Variants in PEAK1 observed in about 807,000 individuals in gnomAD.
PEAK1 encodes inactive tyrosine-protein kinase PEAK1.
A neutral mutation model predicts 124.7 loss-of-function variants in PEAK1; 54 were observed. The observed-to-expected ratio is 0.43, with a 90% CI of 0.35 to 0.54. PEAK1 has a LOEUF of 0.54. Ranked by LOEUF, PEAK1 falls within the 20% of genes least tolerant of loss-of-function variation. The probability of loss-of-function intolerance (pLI) is 0.01; values close to 1 mark genes in which losing one functional copy is unlikely to be tolerated. For synonymous variants in PEAK1, 719 were observed against 760.0 expected, an observed-to-expected ratio of 0.95 and a Z score of 0.89; for missense variants, 2,046 against 2,134.5, an observed-to-expected ratio of 0.96 and a Z score of 0.82.
At chr15:77,418,752 T>C in intron 1 of PEAK1, 4 of 985,282 alleles carry the variant, frequency 4.1e-6, no homozygotes, top group Non-Finnish European at 4.8e-6. Flanking sequence ...ATAATTCACG[T>C]TTTTCACTTC....
chr15:77,226,395 G>T (rs543712162), intron 6 of PEAK1, among the ~76,000 whole-genome samples: 3 of 151,840 alleles, frequency 2.0e-5, no homozygotes, highest in Non-Finnish European at 4.4e-5. Context: ...AAAATCCATT[G>T]TTCTATGGTT....
intron 8 of PEAK1, chr15:77,157,127 G>T (rs2055223097): frequency 1.3e-5 from 2 of 152,126 alleles, no homozygotes; most frequent in South Asian, 4.1e-4. Context: ...TAATTTTCTG[G>T]CCTTCTTAGG....
Position 77,179,749 on chromosome 15 carries a change from G to T in PEAK1, c.2178C>A (p.Ser726=), listed in dbSNP as rs369498964. The T allele has an allele frequency of 3.1e-6, 5 of 1,614,064 alleles. No homozygotes were observed. The highest frequency in any genetic ancestry group is 1.1e-5 in the South Asian group (1 of 91,078). Reference sequence around the variant, plus strand: ...GGATCTTTGCTGGGGAGCTGTGGCTGGAACTATAGCTTCTCTGTGGTGAAG... The same window carrying T: ...GGATCTTTGCTGGGGAGCTGTGGCTTGAACTATAGCTTCTCTGTGGTGAAG... ...GQSSPQRSYS[S]SHSSPAKIQR... is the part of the protein sequence containing the mutation. Residue 726 remains serine (S), a synonymous_variant, in exon 7 of 10, where the codon TCC becomes TCA. Coordinates refer to ENST00000682557, the MANE Select transcript of PEAK1 (RefSeq NM_001385026.1).
intron 7 of PEAK1, 75 bp from the exon 8 acceptor site, chr15:77,158,771 A>G: frequency 7.2e-7 from 1 of 1,381,100 alleles, no homozygotes; most frequent in South Asian, 1.2e-5. Flanking sequence ...GAAGGCATAT[A>G]CTTCCCATAA....
At chr15:77,330,940 C>G (rs1221085399) in intron 2 of PEAK1, 1 of 769,182 alleles carries the variant, frequency 1.3e-6, no homozygotes, top group Non-Finnish European at 1.6e-6. Context: ...AAAACAATTC[C>G]TGGGATACAG....
At chr15:77,241,989 C>T (rs1167817959) in intron 6 of PEAK1, among the ~76,000 whole-genome samples, 1 of 151,910 alleles carries the variant, frequency 6.6e-6, no homozygotes, top group African/African-American at 2.4e-5. Context: ...TTTTCCACAT[C>T]AATATTTTTC....
chr15:77,329,887 A>G (rs1672821116), intron 2 of PEAK1, among the ~76,000 whole-genome samples: 2 of 152,240 alleles, frequency 1.3e-5, no homozygotes, highest in East Asian at 1.9e-4. Flanking sequence ...GTAGTGGGGG[A>G]AAAAAGTGTA....
Position 77,108,616 on chromosome 15 carries a change from T to A in PEAK1, c.*5540A>T, listed in dbSNP as rs1182243903. 1 of 152,222 alleles carries A rather than the reference T, an allele frequency of 6.6e-6. No homozygotes were observed. Among genetic ancestry groups the A allele is most frequent in the African/African-American group, 2.4e-5 (1 of 41,450 alleles). 9.4% of individuals were successfully genotyped at this position (152,222 alleles called of 1,614,324 possible). A position where few individuals can be genotyped will look rare whatever the true frequency, so the allele number is the denominator to read the frequency against. On this transcript the variant is annotated 3_prime_UTR_variant, in exon 10 of 10. Transcript: ENST00000682557. ...TTTAACCTTTCAAAAATGAACCCTATGTCTGGTTCAACATTCAAGTTATCA... is the reference window on the plus strand; with the variant it reads ...TTTAACCTTTCAAAAATGAACCCTAAGTCTGGTTCAACATTCAAGTTATCA...
intron 1 of PEAK1, chr15:77,381,411 G>A: frequency 1.1e-6 from 1 of 894,626 alleles, no homozygotes. Context: ...GGGCAACATA[G>A]TGAGACCCTG....
chr15:77,298,400 A>T (rs952767016), intron 2 of PEAK1, among the ~76,000 whole-genome samples: 84 of 150,788 alleles, frequency 5.6e-4, no homozygotes, highest in Non-Finnish European at 1.1e-3. Flanking sequence ...TGGTATTTTT[A>T]GTAGAGACGG....
chr15:77,239,564 T>A (rs373320651), intron 6 of PEAK1, among the ~76,000 whole-genome samples: 2 of 152,230 alleles, frequency 1.3e-5, no homozygotes, highest in South Asian at 2.1e-4. Context: ...AGCATATGCT[T>A]ATTAAATGTT....
At chr15:77,313,686 G>GTATATATATATATA (rs2064652632) in intron 2 of PEAK1, among the ~76,000 whole-genome samples, 1 of 120,906 alleles carries the variant, frequency 8.3e-6, no homozygotes, top group African/African-American at 3.7e-5. Context: ...GTGTGTGTGT[G>GTATATATATATATA]TGTGTGTATA....
intron 1 of PEAK1, chr15:77,404,381 G>C: frequency 1.1e-6 from 1 of 951,102 alleles, no homozygotes; most frequent in Non-Finnish European, 1.3e-6. Context: ...AATGCAGCCA[G>C]TCTGAAGTGA....
chr15:77,189,895 A>C (rs2057747446), intron 6 of PEAK1, among the ~76,000 whole-genome samples: 1 of 152,216 alleles, frequency 6.6e-6, no homozygotes, highest in Non-Finnish European at 1.5e-5. Context: ...AGATGTGAGA[A>C]GACAGGGAAT....
chr15:77,420,902 G>A (rs969527934), upstream of PEAK1: 28 of 398,786 alleles, frequency 7.0e-5, no homozygotes, highest in Non-Finnish European at 1.0e-4. Context: ...GTGAGACGAC[G>A]AGTGCGTGAA....
intron 8 of PEAK1, among the ~76,000 whole-genome samples, chr15:77,149,014 T>A (rs1232980337): frequency 6.6e-6 from 1 of 152,198 alleles, no homozygotes; most frequent in Middle Eastern, 3.2e-3. Flanking sequence ...TAGTAAGGAC[T>A]TCTATGTACC....
intron 6 of PEAK1, among the ~76,000 whole-genome samples, chr15:77,215,319 C>T (rs1435092019): frequency 1.3e-5 from 2 of 151,630 alleles, no homozygotes; most frequent in African/African-American, 4.8e-5. Flanking sequence ...AAAATTTACT[C>T]CCAGTTTGTG....
chr15:77,251,753 G>A (rs1443298091), intron 6 of PEAK1, among the ~76,000 whole-genome samples: 1 of 150,752 alleles, frequency 6.6e-6, no homozygotes, highest in African/African-American at 2.5e-5. Flanking sequence ...CCATGTGAAT[G>A]TACTGTTGCC....
intron 8 of PEAK1, among the ~76,000 whole-genome samples, chr15:77,150,345 C>T (rs1259624821): frequency 6.6e-6 from 1 of 152,018 alleles, no homozygotes; most frequent in Non-Finnish European, 1.5e-5. Context: ...AGCACTCTGC[C>T]TCGCTTTCTT....
Sources: allele counts gnomAD v4.1 joint callset (sites outside exome capture counted in the v4.1 genomes callset), GRCh38; gene constraint gnomAD v4.1.1; transcripts MANE v1.5; gene names NCBI Gene and HGNC (gene_info 2026-07-23, HGNC 2026-07-21).